The following EVL variants were observed in gnomAD, a reference collection of about 807,000 sequenced individuals.
The protein encoded by EVL is Enah/Vasp-like, also known as ena/VASP-like protein.
A neutral mutation model predicts 59.6 loss-of-function variants in EVL; 21 were observed. That is an observed-to-expected ratio of 0.35 (90% CI 0.25 to 0.51). EVL has a LOEUF of 0.51. Ranked by LOEUF, EVL falls within the 20% of genes least tolerant of loss-of-function variation. EVL has a pLI of 0.97. For missense variants in EVL, 462 were observed against 546.6 expected, an observed-to-expected ratio of 0.85 and a Z score of 1.54; for synonymous variants, 198 against 203.5, an observed-to-expected ratio of 0.97 and a Z score of 0.23.
chr14:99,994,805 C>T (rs1446354734), intron 1 of EVL, among the ~76,000 whole-genome samples: 1 of 152,128 alleles, frequency 6.6e-6, no homozygotes, highest in Admixed American at 6.5e-5. Context: ...AACTTGACGT[C>T]CCTTTAGCAT....
At position 100,109,777 on chromosome 14, in the gene EVL, C is replaced by T. The variant is rs377012842; in HGVS notation, c.358+12119C>T. On this transcript the variant is annotated intron_variant, in intron 3 of 13. Coordinates refer to ENST00000392920, the MANE Select transcript of EVL (RefSeq NM_016337.3). This position sits in a 1 kb window ranked among gnomAD's most constrained non-coding sequence, Gnocchi z 4.3. ...TATCACCACCCCAAACAGAGGAACA[C>T]GCCTTCTCCAGCCACAGCCTATGGA... 13 of 504,414 alleles carry T rather than the reference C, an allele frequency of 2.6e-5. No homozygotes were observed. Among genetic ancestry groups the T allele is most frequent in the South Asian group, 8.9e-5 (6 of 67,352 alleles). The allele number at this position is 504,414 out of a possible 1,614,324, so 31.2% of individuals were successfully genotyped here.
chr14:100,089,870 C>T (rs933423287), intron 2 of EVL, among the ~76,000 whole-genome samples: 1 of 152,114 alleles, frequency 6.6e-6, no homozygotes. Context: ...GAGTTTGAGG[C>T]TGCAGTGAGC....
At chr14:100,101,421 G>A (rs569684835) in intron 3 of EVL, among the ~76,000 whole-genome samples, 6 of 152,148 alleles carry the variant, frequency 3.9e-5, no homozygotes, top group East Asian at 1.9e-4. Flanking sequence ...GCGGGATTAC[G>A]GTGAGCTGAG....
chr14:100,083,305 T>C (rs1046173562), intron 1 of EVL, among the ~76,000 whole-genome samples: 4 of 152,194 alleles, frequency 2.6e-5, no homozygotes, highest in Non-Finnish European at 5.9e-5. Context: ...GATTTATGGT[T>C]CATTTACATT....
At chr14:100,075,128 A>T (rs773638752) in intron 1 of EVL, among the ~76,000 whole-genome samples, 1 of 152,232 alleles carries the variant, frequency 6.6e-6, no homozygotes, top group African/African-American at 2.4e-5. Context: ...TCAGGTGAAG[A>T]TGTCACCTAT....
chr14:100,058,654 AT>A (rs1012497109), intron 1 of EVL, among the ~76,000 whole-genome samples: 52 of 149,990 alleles, frequency 3.5e-4, no homozygotes, highest in East Asian at 2.3e-3. Context: ...TTATAAGATC[AT>A]TTTTTTTTTC....
chr14:99,991,778 C>T (rs2060876958), intron 1 of EVL, among the ~76,000 whole-genome samples: 2 of 152,062 alleles, frequency 1.3e-5, no homozygotes, highest in Admixed American at 6.5e-5. Flanking sequence ...ATATATAATA[C>T]ATACATGTAA....
In EVL at chr14:100,058,668, C is replaced by T. The variant is rs199820553; in HGVS notation, c.6-26019C>T. ...TTTATAAGATCATTTTTTTTTTCAT[C>T]GGACCTGGAGACACCAGGGTCAAAG... On this transcript the variant is annotated intron_variant, in intron 1 of 13. Coordinates refer to the EVL transcript ENST00000402714. Among the ~76,000 whole-genome samples, 4 of 151,552 alleles carry T rather than the reference C, an allele frequency of 2.6e-5. No individual in the cohort carries two copies. The East Asian group carries it at 5.8e-4, about 22-fold the overall frequency.
At chr14:100,028,797 G>A (rs1257724032) in intron 1 of EVL, among the ~76,000 whole-genome samples, 4 of 152,118 alleles carry the variant, frequency 2.6e-5, no homozygotes, top group Admixed American at 6.5e-5. Flanking sequence ...GCAACAGAGC[G>A]AGATTCCATC....
chr14:100,107,808 A>C (rs1357840246), intron 3 of EVL: 1 of 152,504 alleles, frequency 6.6e-6, no homozygotes, highest in Non-Finnish European at 1.5e-5. Flanking sequence ...TTCAAACTGG[A>C]TATTTTGAGG....
chr14:99,986,652 T>C (rs967139316), intron 1 of EVL, among the ~76,000 whole-genome samples: 1 of 152,232 alleles, frequency 6.6e-6, no homozygotes, highest in Non-Finnish European at 1.5e-5. Flanking sequence ...TGCAGATTTC[T>C]GGACTATGAA....
At chr14:100,100,707 AG>A (rs1231547769) in intron 3 of EVL, among the ~76,000 whole-genome samples, 1 of 146,884 alleles carries the variant, frequency 6.8e-6, no homozygotes, top group Non-Finnish European at 1.5e-5. Flanking sequence ...TGAGCCCAGG[AG>A]GCAGAGATTG....
upstream of EVL, among the ~76,000 whole-genome samples, chr14:100,063,696 T>C (rs2061876810): frequency 6.6e-6 from 1 of 152,202 alleles, no homozygotes; most frequent in South Asian, 2.1e-4. Context: ...TGAACAATAC[T>C]ATTAACCACC....
intron 1 of EVL, among the ~76,000 whole-genome samples, chr14:100,006,833 GTACA>G (rs2060985698): frequency 6.7e-6 from 1 of 149,290 alleles, no homozygotes; most frequent in Non-Finnish European, 1.5e-5. Flanking sequence ...AAAAGGAGTT[GTACA>G]GCAAAATAAA....
intron 1 of EVL, among the ~76,000 whole-genome samples, chr14:99,998,964 A>G (rs891255229): frequency 6.6e-6 from 1 of 152,100 alleles, no homozygotes; most frequent in African/African-American, 2.4e-5. Context: ...CATAAGTGAG[A>G]ATATACTGTC....
At chr14:100,045,488 C>A (rs934507603) in intron 1 of EVL, among the ~76,000 whole-genome samples, 10 of 152,226 alleles carry the variant, frequency 6.6e-5, no homozygotes, top group African/African-American at 1.2e-4. Flanking sequence ...AGGTGAAGAA[C>A]TCTCTCGTGT....
In EVL at chr14:100,019,767, G is replaced by A. The variant is rs1029159751; in HGVS notation, c.5+47710G>A. 1.3e-5 allele frequency: 18 copies of A among 1,355,376 alleles called. No homozygotes were observed. The African/African-American group carries it at 2.2e-4, about 17-fold the overall frequency. The allele number at this position is 1,355,376 out of a possible 1,614,324, so 84.0% of individuals were successfully genotyped here. A position where few individuals can be genotyped will look rare whatever the true frequency, so the allele number is the denominator to read the frequency against. ...TTTTTGCTGTGTAATGACAGCTTAG[G>A]CTCTGGCTGGTTCTCACAAAAAAAA... On this transcript the variant is annotated intron_variant, in intron 1 of 13. Coordinates refer to the EVL transcript ENST00000402714.
upstream of EVL, among the ~76,000 whole-genome samples, chr14:100,062,280 C>T (rs991735010): frequency 6.6e-6 from 1 of 151,266 alleles, no homozygotes; most frequent in Non-Finnish European, 1.5e-5. Context: ...TTTTGAGTAA[C>T]ATATGACAGC....
At chr14:100,073,992 G>A (rs1276754117) in intron 1 of EVL, among the ~76,000 whole-genome samples, 1 of 145,752 alleles carries the variant, frequency 6.9e-6, no homozygotes, top group Non-Finnish European at 1.5e-5. Context: ...TGGGTTCAGG[G>A]AGTCACCCCC....
Sources: gnomAD v4.1 joint callset for allele counts (sites outside exome capture counted in the v4.1 genomes callset) on GRCh38, gnomAD v4.1.1 for gene constraint, Gnocchi (gnomAD v3.1) non-coding constraint, MANE v1.5 for transcripts, NCBI Gene and HGNC (gene_info 2026-07-23, HGNC 2026-07-21) for gene names.